TENM2: variants seen among roughly 807,000 people sequenced by gnomAD.
The protein encoded by TENM2 is teneurin-2.
A neutral mutation model predicts 245.2 loss-of-function variants in TENM2; 52 were observed. That is an observed-to-expected ratio of 0.21 (90% CI 0.17 to 0.27). The LOEUF is 0.27. Among genes scored for constraint, TENM2 ranks in the 10% least tolerant of loss-of-function variants. The probability of loss-of-function intolerance (pLI) is 1.00; values close to 1 mark genes in which losing one functional copy is unlikely to be tolerated. For synonymous variants in TENM2, 1,363 were observed against 1,438.9 expected, an observed-to-expected ratio of 0.95 and a Z score of 1.19; for missense variants, 3,046 against 3,666.8, an observed-to-expected ratio of 0.83 and a Z score of 4.37.
At chr5:168,118,477 T>C in exon 10 of TENM2, 1 of 1,542,074 alleles carries the variant, frequency 6.5e-7, no homozygotes, top group African/African-American at 1.4e-5. Context: ...AGGCGAGCAC[T>C]GTGAGGAAGG....
intron 4 of TENM2, among the ~76,000 whole-genome samples, chr5:167,964,085 C>T (rs1374143404): frequency 6.6e-6 from 1 of 152,204 alleles, no homozygotes; most frequent in Non-Finnish European, 1.5e-5. Context: ...TCCTCCCAGC[C>T]TATTCACAGA....
chr5:167,698,687 T>TTG (rs1554102369), intron 2 of TENM2, among the ~76,000 whole-genome samples: 2 of 141,484 alleles, frequency 1.4e-5, no homozygotes, highest in Non-Finnish European at 3.0e-5. Flanking sequence ...TTGTTTTTTT[T>TTG]TTTTTTTTTT....
chr5:168,069,147 T>A (rs933382741), intron 7 of TENM2, among the ~76,000 whole-genome samples: 24 of 152,216 alleles, frequency 1.6e-4, no homozygotes, highest in African/African-American at 5.8e-4. Context: ...GAATCAAACA[T>A]GTGCCTCTGC....
chr5:168,158,850 T>TATACACAC lies in TENM2; in HGVS notation c.2423-3760_2423-3759insTACACACA, dbSNP rs1339051385. 2.3e-3 allele frequency among the ~76,000 whole-genome samples: 142 copies of TATACACAC among 62,304 alleles called. 1 individual carries two copies. The highest frequency in any genetic ancestry group is 3.3e-3 in the Non-Finnish European group (107 of 32,040). 40.9% of individuals were successfully genotyped at this position (62,304 alleles called of 152,430 possible). On this transcript the variant is annotated intron_variant, in intron 12 of 28. Transcript: ENST00000518659. ...GTGTGTATATATATATATATATATA[T>TATACACAC]ACACACACACACACACACATATATA... is the stretch of plus-strand genomic sequence containing the variant.
In TENM2 at chr5:167,371,418, A is replaced by G. The variant is rs543607548; in HGVS notation, c.227-3780A>G. ...TTGCCCAGGCTCAGGCTGGAGTACA[A>G]TGGCGTGATCTCAGCTCACCACAAC... On this transcript the variant is annotated intron_variant, in intron 1 of 28. Transcript: ENST00000518659. 2.4e-4 allele frequency among the ~76,000 whole-genome samples: 36 copies of G among 149,818 alleles called. No individual in the cohort carries two copies. The South Asian group carries it at 6.4e-3, about 27-fold the overall frequency.
intron 2 of TENM2, among the ~76,000 whole-genome samples, chr5:167,422,159 A>G (rs1423352189): frequency 6.6e-6 from 1 of 152,174 alleles, no homozygotes; most frequent in Non-Finnish European, 1.5e-5. Flanking sequence ...TTTACAAGTA[A>G]ACGTCGTATT....
At chr5:167,068,033 C>T in the TENM2 span, among the ~76,000 whole-genome samples, 1 of 152,194 alleles carries the variant, frequency 6.6e-6, no homozygotes, top group Admixed American at 6.5e-5. Flanking sequence ...ATTGGTCAAA[C>T]ACTTTCCTCA....
intron 1 of TENM2, among the ~76,000 whole-genome samples, chr5:167,322,919 C>T (rs77895722): frequency 1.3e-5 from 2 of 152,252 alleles, no homozygotes; most frequent in East Asian, 1.9e-4. Context: ...TCATAAATAG[C>T]GGGGTATTTC....
the TENM2 span, among the ~76,000 whole-genome samples, chr5:167,163,722 T>C: frequency 6.6e-6 from 1 of 152,184 alleles, no homozygotes; most frequent in Non-Finnish European, 1.5e-5. Flanking sequence ...CAGGGAAGAT[T>C]TGGCTATTTC....
At chr5:167,085,841 C>T in the TENM2 span, among the ~76,000 whole-genome samples, 3 of 152,234 alleles carry the variant, frequency 2.0e-5, no homozygotes, top group Middle Eastern at 3.4e-3. Context: ...ATTGGACATG[C>T]CTACAGGTCG....
chr5:168,150,682 T>C (rs572582490), intron 12 of TENM2, among the ~76,000 whole-genome samples: 1 of 152,172 alleles, frequency 6.6e-6, no homozygotes, highest in African/African-American at 2.4e-5. Flanking sequence ...GAAATGAAGT[T>C]AAAAGCAGAA....
rs577988720 is a variant in TENM2, at chr5:167,288,274, G to C, written c.226+3211G>C. ...ATAACAATGACAAAGGAATAATGGCGAACAGGCGGGCGCGGTGGCTCACAC... is the reference window on the plus strand; with the variant it reads ...ATAACAATGACAAAGGAATAATGGCCAACAGGCGGGCGCGGTGGCTCACAC... On this transcript the variant is annotated intron_variant, in intron 1 of 28. Transcript: ENST00000518659. 7.2e-5 allele frequency among the ~76,000 whole-genome samples: 11 copies of C among 152,214 alleles called. 1 individual carries two copies. In the South Asian group the frequency reaches 1.7e-3, roughly 23 times the overall value.
rs536910322 is a variant in TENM2 at position 167,552,769 on chromosome 5, T to A, written c.502+177296T>A. ...TTTCTGTCTCTAGGGACATAAAAAGTAATAGATAACTAGAGGAGTTACATT... is the reference window on the plus strand; with the variant it reads ...TTTCTGTCTCTAGGGACATAAAAAGAAATAGATAACTAGAGGAGTTACATT... On this transcript the variant is annotated intron_variant, in intron 2 of 28. Coordinates refer to ENST00000518659, the Ensembl canonical transcript of TENM2. Among the ~76,000 whole-genome samples, 16 of 152,272 alleles carry A rather than the reference T, an allele frequency of 1.1e-4. No individual in the cohort carries two copies. The South Asian group carries it at 3.3e-3, about 32-fold the overall frequency.
At chr5:168,155,355 CAAAA>C in intron 12 of TENM2, among the ~76,000 whole-genome samples, 1 of 85,382 alleles carries the variant, frequency 1.2e-5, no homozygotes, top group Non-Finnish European at 2.2e-5. Context: ...AAAACAAAAA[CAAAA>C]AACAAACAAA....
chr5:167,177,277 GA>G, the TENM2 span, among the ~76,000 whole-genome samples: 2 of 151,244 alleles, frequency 1.3e-5, no homozygotes, highest in Admixed American at 6.6e-5. Context: ...ATACATAAAA[GA>G]AAAAAAAATT....
chr5:167,796,638 G>A (rs1387424885), intron 2 of TENM2, among the ~76,000 whole-genome samples: 2 of 152,090 alleles, frequency 1.3e-5, no homozygotes, highest in Non-Finnish European at 2.9e-5. Flanking sequence ...GTGTGTGCGT[G>A]TGCAGAATTG....
chr5:167,002,489 T>C, the TENM2 span, among the ~76,000 whole-genome samples: 2 of 152,052 alleles, frequency 1.3e-5, no homozygotes, highest in Admixed American at 6.6e-5. Flanking sequence ...AAATAAAATA[T>C]AGCCATTCAA....
At chr5:168,065,810 A>T in intron 7 of TENM2, among the ~76,000 whole-genome samples, 1 of 146,568 alleles carries the variant, frequency 6.8e-6, no homozygotes, top group South Asian at 2.1e-4. Flanking sequence ...CATTTCAGTG[A>T]AAAAAAAAAG....
chr5:168,156,626 CT>C (rs1757209294), intron 12 of TENM2, among the ~76,000 whole-genome samples: 1 of 152,044 alleles, frequency 6.6e-6, no homozygotes, highest in East Asian at 1.9e-4. Context: ...TTATTTTTCC[CT>C]TTTTACCGTG....
Sources: gnomAD v4.1 joint callset for allele counts (sites outside exome capture counted in the v4.1 genomes callset) on GRCh38, gnomAD v4.1.1 for gene constraint, MANE v1.5 for transcripts, NCBI Gene and HGNC (gene_info 2026-07-23, HGNC 2026-07-21) for gene names.